ST7: variants seen among roughly 807,000 people sequenced by gnomAD.
ST7 encodes the protein suppressor of tumorigenicity 7 protein.
Under a neutral mutation model 78.7 loss-of-function variants are expected in ST7, and 28 were observed. The ratio of observed to expected loss-of-function variants is 0.36; its 90% confidence interval spans 0.26 to 0.49. The LOEUF is 0.49. Among genes scored for constraint, ST7 ranks in the 20% least tolerant of loss-of-function variants. The pLI is 0.99. For missense variants in ST7, 418 were observed against 696.0 expected (o/e 0.60, Z 4.49); for synonymous variants, 247 against 249.6 (o/e 0.99, Z 0.10).
At chr7:117,138,383 C>T in intron 8 of ST7, 52 bp from the exon 9 acceptor site, 3 of 1,223,130 alleles carry the variant, frequency 2.5e-6, no homozygotes, top group Non-Finnish European at 3.4e-6. Context: ...GCAAATGGGC[C>T]TCTGTATTTT....
At chr7:117,177,354 A>G (rs774571437) in intron 10 of ST7, among the ~76,000 whole-genome samples, 8 of 152,248 alleles carry the variant, frequency 5.3e-5, no homozygotes, top group Non-Finnish European at 1.0e-4. Context: ...TGTAATTCAC[A>G]TAGCTGGCAC....
intron 9 of ST7, among the ~76,000 whole-genome samples, chr7:117,139,207 G>A (rs1342625743): frequency 6.6e-6 from 1 of 152,118 alleles, no homozygotes. Flanking sequence ...TTGGATTTCC[G>A]TGTTTTTTGT....
chr7:117,032,855 A>G (rs1175614678), intron 1 of ST7, among the ~76,000 whole-genome samples: 1 of 152,202 alleles, frequency 6.6e-6, no homozygotes, highest in Non-Finnish European at 1.5e-5. Flanking sequence ...TTATAGATTC[A>G]TCTATGCTGA....
chr7:117,129,119 T>A (rs937922726), intron 3 of ST7, among the ~76,000 whole-genome samples: 1 of 151,868 alleles, frequency 6.6e-6, no homozygotes, highest in Non-Finnish European at 1.5e-5. Context: ...GGTCCTGGTA[T>A]AATAAAGAGG....
At chr7:117,226,132 G>A (rs1021721710) in intron 15 of ST7, among the ~76,000 whole-genome samples, 3 of 152,074 alleles carry the variant, frequency 2.0e-5, no homozygotes, top group Non-Finnish European at 2.9e-5. Context: ...ATTGATTACC[G>A]TGAAATGTCA....
chr7:117,097,369 A>G (rs996816730), intron 1 of ST7, among the ~76,000 whole-genome samples: 2 of 147,010 alleles, frequency 1.4e-5, no homozygotes, highest in African/African-American at 2.5e-5. Flanking sequence ...CTTGTTGCCC[A>G]GGCTGGAGTG....
intron 1 of ST7, among the ~76,000 whole-genome samples, chr7:117,002,521 G>C (rs1476343657): frequency 6.6e-6 from 1 of 152,004 alleles, no homozygotes; most frequent in East Asian, 1.9e-4. Flanking sequence ...CATTTGTTGT[G>C]TTTAAAAGTT....
At chr7:116,972,506 T>C in intron 1 of ST7, 2 of 1,010,978 alleles carry the variant, frequency 2.0e-6, no homozygotes, top group Admixed American at 3.6e-5. Flanking sequence ...TCTCTTTCAA[T>C]GATCACCAAC....
At chr7:117,160,232 CA>C (rs572498971) in intron 9 of ST7, among the ~76,000 whole-genome samples, 2,432 of 113,520 alleles carry the variant, frequency 0.021, 22 homozygotes, top group Admixed American at 0.028. Flanking sequence ...AACTGTGTCT[CA>C]AAAAAAAAAA....
At chr7:117,051,829 C>G (rs750268219) in intron 1 of ST7, among the ~76,000 whole-genome samples, 2 of 152,050 alleles carry the variant, frequency 1.3e-5, no homozygotes, top group Non-Finnish European at 2.9e-5. Flanking sequence ...AAGTTCCTAA[C>G]TTGAGGAATG....
intron 1 of ST7, among the ~76,000 whole-genome samples, chr7:116,997,108 C>T (rs1015978582): frequency 1.3e-5 from 2 of 152,244 alleles, no homozygotes; most frequent in South Asian, 4.1e-4. Context: ...TGAGTTTCTT[C>T]CTTCTGGTGG....
intron 14 of ST7, among the ~76,000 whole-genome samples, chr7:117,221,534 G>A (rs1263122352): frequency 2.0e-5 from 3 of 152,142 alleles, no homozygotes; most frequent in Non-Finnish European, 4.4e-5. Flanking sequence ...CTCGGTTTTG[G>A]ATTTTCCAGG....
chr7:116,981,229 T>G (rs1351266800), intron 1 of ST7, among the ~76,000 whole-genome samples: 1 of 152,086 alleles, frequency 6.6e-6, no homozygotes, highest in Non-Finnish European at 1.5e-5. Flanking sequence ...CCCCTCAGCT[T>G]CCCAAGTAGC....
chr7:116,971,665 A>C (rs1793429713), intron 1 of ST7, among the ~76,000 whole-genome samples: 2 of 152,218 alleles, frequency 1.3e-5, no homozygotes, highest in Admixed American at 6.5e-5. Context: ...TGTACAGAGC[A>C]ATGAGGTTTC....
At chr7:117,143,050 T>A (rs1456084502) in intron 9 of ST7, among the ~76,000 whole-genome samples, 1 of 152,072 alleles carries the variant, frequency 6.6e-6, no homozygotes, top group South Asian at 2.1e-4. Flanking sequence ...TGAAGATCCA[T>A]CCCAGGGCAG....
intron 8 of ST7, chr7:117,136,735 A>T (rs997169927): frequency 2.2e-4 from 35 of 156,598 alleles, no homozygotes; most frequent in African/African-American, 8.4e-4. Flanking sequence ...TTCCAGAGAG[A>T]AAGAGCCATG....
intron 9 of ST7, among the ~76,000 whole-genome samples, chr7:117,152,068 G>A (rs563196296): frequency 1.3e-3 from 201 of 149,938 alleles, no homozygotes; most frequent in African/African-American, 4.3e-3. Flanking sequence ...GCAGTGAGCC[G>A]AGATCATGCC....
At chr7:116,984,286 A>G (rs1794096276) in intron 1 of ST7, among the ~76,000 whole-genome samples, 1 of 152,220 alleles carries the variant, frequency 6.6e-6, no homozygotes, top group African/African-American at 2.4e-5. Flanking sequence ...TGCAAGAAAT[A>G]AATTCCTTTT....
intron 1 of ST7, among the ~76,000 whole-genome samples, chr7:116,986,148 T>C (rs1186369152): frequency 6.6e-6 from 1 of 152,254 alleles, no homozygotes; most frequent in Non-Finnish European, 1.5e-5. Flanking sequence ...ATTTTAATTT[T>C]CAGAATTTCT....
Sources: allele counts gnomAD v4.1 joint callset (sites outside exome capture counted in the v4.1 genomes callset), GRCh38; gene constraint gnomAD v4.1.1; transcripts MANE v1.5; gene names NCBI Gene and HGNC (gene_info 2026-07-23, HGNC 2026-07-21).